RASL12: variants seen among roughly 807,000 people sequenced by gnomAD.
The protein encoded by RASL12 is ras-like protein family member 12.
RASL12 carries 16 observed loss-of-function variants against 22.9 expected under a neutral mutation model. The ratio of observed to expected loss-of-function variants is 0.70; its 90% CI spans 0.47 to 1.06. RASL12 has a LOEUF of 1.06. Among genes scored for constraint, RASL12 ranks in the 50% least tolerant of loss-of-function variants. The pLI, the probability that RASL12 is intolerant of heterozygous loss-of-function variation, is 0.00. For missense variants in RASL12, 306 were observed against 353.1 expected, an observed-to-expected ratio of 0.87 and a Z score of 1.07; for synonymous variants, 159 against 152.2, an observed-to-expected ratio of 1.04 and a Z score of -0.33.
Position 65,054,298 on chromosome 15 carries a change from T to C in RASL12, c.*601A>G, listed in dbSNP as rs2086697473. 3 of 985,802 alleles carry C rather than the reference T, an allele frequency of 3.0e-6. No individual in the cohort carries two copies. The highest frequency in any genetic ancestry group is 9.4e-5 in the South Asian group (2 of 21,296). The allele number at this position is 985,802 out of a possible 1,614,324, so 61.1% of individuals were successfully genotyped here. On this transcript the variant is annotated 3_prime_UTR_variant, in exon 5 of 5. Transcript: ENST00000220062. ...TCATTGAGACGCCAAGTGTTGGAAA[T>C]ACCCCTTCCTGGGGCTTCTGTCCAT...
chr15:65,048,283 G>T, the RASL12 span, among the ~76,000 whole-genome samples: 1 of 152,056 alleles, frequency 6.6e-6, no homozygotes, highest in Admixed American at 6.6e-5. Flanking sequence ...CATATGAAAA[G>T]CTTAAGTCAG....
intron 1 of RASL12, 137 bp downstream of exon 1, chr15:65,067,596 G>T (rs1340480176): frequency 1.9e-6 from 2 of 1,031,340 alleles, no homozygotes; most frequent in African/African-American, 3.4e-5. Flanking sequence ...GAAAATCACG[G>T]TGTCTTGTGC....
intron 1 of RASL12, among the ~76,000 whole-genome samples, chr15:65,076,252 C>T (rs2086968247): frequency 6.6e-6 from 1 of 152,200 alleles, no homozygotes; most frequent in South Asian, 2.1e-4. Context: ...TGCTGCTGCT[C>T]ACTCTTTTGG....
At chr15:65,058,040 G>A (rs981630023) in intron 4 of RASL12, among the ~76,000 whole-genome samples, 1 of 152,174 alleles carries the variant, frequency 6.6e-6, no homozygotes, top group Non-Finnish European at 1.5e-5. Flanking sequence ...GGAGGCTGAG[G>A]CAGGCGGATC....
At chr15:65,052,741 T>G (rs1399054199), downstream of RASL12, among the ~76,000 whole-genome samples, 2 of 152,122 alleles carry the variant, frequency 1.3e-5, no homozygotes, top group Non-Finnish European at 2.9e-5. Flanking sequence ...GGGGTGGCAA[T>G]GATACTTGAG....
rs1449596632 is a variant in RASL12, at chr15:65,076,528, C to A, written c.70+1G>T. On this transcript the variant is annotated splice_donor_variant, in intron 1 of 4. Transcript: ENST00000434605. LOFTEE classifies it high-confidence loss of function. The stretch of plus-strand genomic sequence containing the variant: ...GCTACCTTAAGAGCTGTAACACTCA[C>A]CTCGAGGGTCCGCGGCTTCATTCTT... 2 of 699,904 alleles carry A rather than the reference C, an allele frequency of 2.9e-6. No homozygotes were observed. Among genetic ancestry groups the A allele is most frequent in the Non-Finnish European group, 5.2e-6 (2 of 383,964 alleles). 43.4% of individuals were successfully genotyped at this position (699,904 alleles called of 1,614,324 possible).
At chr15:65,052,695 T>C (rs11071825), downstream of RASL12, among the ~76,000 whole-genome samples, 71,190 of 151,858 alleles carry the variant, frequency 0.47, 17,346 homozygotes, top group East Asian at 0.78. Flanking sequence ...CTGCACCTGG[T>C]CTCCTTGAAG....
At chr15:65,061,053 T>G (rs1409861279) in intron 2 of RASL12, among the ~76,000 whole-genome samples, 1 of 152,256 alleles carries the variant, frequency 6.6e-6, no homozygotes, top group East Asian at 1.9e-4. Context: ...AGATGTCAGA[T>G]GCACCCCTTT....
At chr15:65,071,126 C>G (rs142471296), upstream of RASL12, among the ~76,000 whole-genome samples, 582 of 152,306 alleles carry the variant, frequency 3.8e-3, 2 homozygotes, top group East Asian at 0.011. Flanking sequence ...TCTTCTCTAT[C>G]AGACTGGAGA....
rs560158501 is a variant in RASL12, at chr15:65,053,469, C to A, written c.*1430G>T. The A allele has an allele frequency of 7.8e-6, 9 of 1,154,230 alleles. No individual in the cohort carries two copies. The highest frequency in any genetic ancestry group is 1.6e-5 in the African/African-American group (1 of 61,714). The allele number at this position is 1,154,230 out of a possible 1,614,324, so 71.5% of individuals were successfully genotyped here. A position where few individuals can be genotyped will look rare whatever the true frequency, so the allele number is the denominator to read the frequency against. On this transcript the variant is annotated 3_prime_UTR_variant, in exon 5 of 5. Coordinates refer to ENST00000220062, the MANE Select transcript of RASL12 (RefSeq NM_016563.4). ...TGGCCTGGAGCAAAAGTGCAAAATC[C>A]GTAGCTGGCCTGTGGGTCGGGAAGC... is the stretch of plus-strand genomic sequence containing the variant.
the RASL12 span, among the ~76,000 whole-genome samples, chr15:65,047,284 C>G: frequency 6.7e-6 from 1 of 150,016 alleles, no homozygotes; most frequent in Admixed American, 6.7e-5. Context: ...TGCAGTGAGC[C>G]GAGATCACAC....
At chr15:65,063,512 T>C (rs536572540) in intron 2 of RASL12, among the ~76,000 whole-genome samples, 1 of 152,334 alleles carries the variant, frequency 6.6e-6, no homozygotes, top group South Asian at 2.1e-4. Context: ...CTGGGTGACC[T>C]TGGCCCAGAG....
chr15:65,069,985 C>A (rs550994073), upstream of RASL12, among the ~76,000 whole-genome samples: 1 of 152,324 alleles, frequency 6.6e-6, no homozygotes, highest in East Asian at 1.9e-4. Flanking sequence ...CCAGTTTCCT[C>A]ACCCAGGGGC....
chr15:65,058,434 G>T lies in RASL12; in HGVS notation c.418C>A (p.Gln140Lys). ...CAAGCAGGCTGTGCTCACCTGTACT[G>T]AGCCATGTCCAGCTTGTTGCCCAGC... ...LLLGNKLDMA[Q>K]YRQVTKAEGV... Residue 140 changes from glutamine (Q) to lysine (K), a missense_variant, in exon 4 of 5, where the codon CAG becomes AAG. Coordinates refer to ENST00000220062, the MANE Select transcript of RASL12 (RefSeq NM_016563.4). 6.4e-7 allele frequency: 1 copy of T among 1,558,838 alleles called. No individual in the cohort carries two copies. Among genetic ancestry groups the T allele is most frequent in the South Asian group, 1.2e-5 (1 of 82,932 alleles).
chr15:65,076,081 G>A (rs1380694354), intron 1 of RASL12, among the ~76,000 whole-genome samples: 2 of 152,204 alleles, frequency 1.3e-5, no homozygotes, highest in African/African-American at 4.8e-5. Flanking sequence ...CCACCAATCA[G>A]CGCCCTGTCA....
intron 1 of RASL12, among the ~76,000 whole-genome samples, chr15:65,074,213 AC>A (rs1162255441): frequency 7.3e-6 from 1 of 137,078 alleles, no homozygotes; most frequent in Non-Finnish European, 1.5e-5. Context: ...TTGTTCTCCA[AC>A]CTGCCTGTCC....
chr15:65,052,635 G>C (rs2086669005), downstream of RASL12, among the ~76,000 whole-genome samples: 1 of 151,966 alleles, frequency 6.6e-6, no homozygotes, highest in South Asian at 2.1e-4. Flanking sequence ...GGCCTCAAGT[G>C]ATCCACCCGC....
intron 4 of RASL12, among the ~76,000 whole-genome samples, 195 bp from the exon 5 acceptor site, chr15:65,055,469 C>T (rs1425924852): frequency 6.6e-6 from 1 of 152,234 alleles, no homozygotes; most frequent in Non-Finnish European, 1.5e-5. Flanking sequence ...TTACGAAAGA[C>T]AATTTGTTTC....
rs147666289 is a variant in RASL12, at chr15:65,058,558, G to C, written c.294C>G (p.Tyr98Ter). 4 of 1,609,842 alleles carry C rather than the reference G, an allele frequency of 2.5e-6. No individual in the cohort carries two copies. The highest frequency in any genetic ancestry group is 1.1e-5 in the South Asian group (1 of 90,558). ...LNWAHAFLVV[Y>*]SVDSRQSFDS... is the part of the protein sequence containing the mutation. ...CAAAGCTCTGGCGGCTGTCGACGCTGTACACCACCAGGAAGGCATGGGCCC... is the reference window on the plus strand; with the variant it reads ...CAAAGCTCTGGCGGCTGTCGACGCTCTACACCACCAGGAAGGCATGGGCCC... Residue 98 changes from tyrosine to a stop codon, truncating the protein, a stop_gained, in exon 4 of 5, where the codon TAC (tyrosine) becomes TAG (stop). Transcript: ENST00000220062. LOFTEE classifies it high-confidence loss of function.
Sources: gnomAD v4.1 joint callset for allele counts (sites outside exome capture counted in the v4.1 genomes callset) on GRCh38, gnomAD v4.1.1 for gene constraint, MANE v1.5 for transcripts, NCBI Gene and HGNC (gene_info 2026-07-23, HGNC 2026-07-21) for gene names.